The following RNF175 variants were observed in gnomAD, a reference collection of about 807,000 sequenced individuals.
RNF175 encodes the protein ring finger protein 175.
In RNF175, 38 loss-of-function variants were observed where a neutral mutation model predicts 50.0. The ratio of observed to expected loss-of-function variants is 0.76; its 90% CI spans 0.59 to 1.00. The LOEUF is 1.00. Among genes scored for constraint, RNF175 ranks in the 50% least tolerant of loss-of-function variants. The pLI is 0.00. For missense variants in RNF175, 388 were observed against 409.6 expected (o/e 0.95, Z 0.46); for synonymous variants, 155 against 146.1 (o/e 1.06, Z -0.44).
intron 1 of RNF175, among the ~76,000 whole-genome samples, chr4:153,757,794 C>T (rs556949831): frequency 2.4e-4 from 37 of 152,130 alleles, no homozygotes; most frequent in East Asian, 5.8e-4. Context: ...TCAAACATAC[C>T]TAACCAGTTG....
At chr4:153,752,111 C>A (rs1486775170) in intron 1 of RNF175, among the ~76,000 whole-genome samples, 1 of 152,328 alleles carries the variant, frequency 6.6e-6, no homozygotes, top group Non-Finnish European at 1.5e-5. Flanking sequence ...AGAGTCCACC[C>A]ATGGACTACC....
In RNF175 at chr4:153,742,495, C is replaced by T. The variant is rs369328111; in HGVS notation, c.246+6150G>A. On this transcript the variant is annotated intron_variant, in intron 3 of 8. Transcript: ENST00000347063. ...ATTACGTTTGCACAAACGTTATAAACAAACAGTATCTATTGGATGCTTTCG... is the reference window on the plus strand; with the variant it reads ...ATTACGTTTGCACAAACGTTATAAATAAACAGTATCTATTGGATGCTTTCG... 4.6e-5 allele frequency among the ~76,000 whole-genome samples: 7 copies of T among 152,166 alleles called. No homozygotes were observed. In the East Asian group the frequency reaches 9.6e-4, roughly 21 times the overall value.
intron 3 of RNF175, among the ~76,000 whole-genome samples, chr4:153,730,482 A>C (rs1014666775): frequency 1.3e-5 from 2 of 152,118 alleles, no homozygotes; most frequent in Non-Finnish European, 2.9e-5. Flanking sequence ...CATATTGGTC[A>C]TTTATTTTCT....
At chr4:153,719,862 C>T (rs575696679) in intron 6 of RNF175, among the ~76,000 whole-genome samples, 1 of 152,270 alleles carries the variant, frequency 6.6e-6, no homozygotes, top group South Asian at 2.1e-4. Context: ...TAATGTTTTA[C>T]TAATCCTTAA....
intron 1 of RNF175, among the ~76,000 whole-genome samples, chr4:153,759,349 C>T (rs1205243954): frequency 6.6e-6 from 1 of 152,128 alleles, no homozygotes; most frequent in Non-Finnish European, 1.5e-5. Flanking sequence ...AGTTTGAGAA[C>T]CAGGGCGGTC....
chr4:153,749,738 C>T (rs953283605), intron 2 of RNF175, among the ~76,000 whole-genome samples: 6 of 152,108 alleles, frequency 3.9e-5, no homozygotes, highest in Non-Finnish European at 7.3e-5. Flanking sequence ...AATCTTAACC[C>T]CCCATATCCA....
chr4:153,721,306 A>G (rs912247284), intron 5 of RNF175: 2 of 152,220 alleles, frequency 1.3e-5, no homozygotes, highest in African/African-American at 4.8e-5. Context: ...GTTCTGATTG[A>G]TTCAGGGAAG....
At chr4:153,754,873 A>C (rs182174842) in intron 1 of RNF175, among the ~76,000 whole-genome samples, 2 of 152,334 alleles carry the variant, frequency 1.3e-5, no homozygotes, top group East Asian at 3.9e-4. Flanking sequence ...GAGTCTTTGG[A>C]GGGAGCATGA....
At position 153,728,188 on chromosome 4, in the gene RNF175, G is replaced by T. The variant is rs777400756; in HGVS notation, c.401+19C>A. The T allele has an allele frequency of 1.9e-6, 3 of 1,562,634 alleles. No individual in the cohort carries two copies. Among genetic ancestry groups the T allele is most frequent in the South Asian group, 1.2e-5 (1 of 83,390 alleles). On this transcript the variant is annotated intron_variant, in intron 4 of 8. Coordinates refer to ENST00000347063, the MANE Select transcript of RNF175 (RefSeq NM_173662.4). Reference sequence around the variant, plus strand: ...TAAAATAAAGGGGCTCCTGGGGAAGGAATGTATGGAATACATACCGTGGTG... The same window carrying T: ...TAAAATAAAGGGGCTCCTGGGGAAGTAATGTATGGAATACATACCGTGGTG...
At chr4:153,758,808 G>GTTGT (rs1159953370) in intron 1 of RNF175, among the ~76,000 whole-genome samples, 1 of 151,828 alleles carries the variant, frequency 6.6e-6, no homozygotes, top group Non-Finnish European at 1.5e-5. Flanking sequence ...ATTTGGTACT[G>GTTGT]TTGTTCCCTC....
At chr4:153,757,410 T>C (rs2127172036) in intron 1 of RNF175, among the ~76,000 whole-genome samples, 1 of 152,274 alleles carries the variant, frequency 6.6e-6, no homozygotes, top group Admixed American at 6.5e-5. Context: ...AAACTGATTT[T>C]GTCACTTTCA....
intron 3 of RNF175, among the ~76,000 whole-genome samples, chr4:153,737,195 CT>C (rs940814427): frequency 3.3e-5 from 5 of 149,600 alleles, no homozygotes; most frequent in East Asian, 2.0e-4. Flanking sequence ...TGTGTTTTCT[CT>C]TTTTTTTTTC....
chr4:153,715,516 T>C lies in RNF175; in HGVS notation c.764+13A>G. 6.4e-7 allele frequency: 1 copy of C among 1,571,626 alleles called. No individual in the cohort carries two copies. Among genetic ancestry groups the C allele is most frequent in the East Asian group, 2.4e-5 (1 of 42,540 alleles). On this transcript the variant is annotated intron_variant, in intron 7 of 8. Coordinates refer to ENST00000347063, the MANE Select transcript of RNF175 (RefSeq NM_173662.4). ...CTTGATGAAGCCCAAACAATTTCCT[T>C]TGAAAAGGATACACATGATTACAGG...
Position 153,715,568 on chromosome 4 carries a change from C to T in RNF175, c.725G>A (p.Gly242Glu), listed in dbSNP as rs1438012558. ...AAGCTGGTAGGTGTTTTCAATGAGC[C>T]CTTCTTCATCAAGCTCCACAATGAT... The part of the protein sequence containing the change: ...QKIIVELDEE[G>E]LIENTYQLSC... The change falls in exon 7 of 9, where the codon GGG becomes GAG. Residue 242 changes from glycine (G) to glutamate (E), a missense_variant. Transcript: ENST00000347063. 6.2e-7 allele frequency: 1 copy of T among 1,611,936 alleles called. No individual in the cohort carries two copies. The highest frequency in any genetic ancestry group is 1.1e-5 in the South Asian group (1 of 90,624).
rs769034356 is a variant in RNF175 at position 153,748,632 on chromosome 4, G to C, written c.246+13C>G. ...GCTGGAGCAGGCTCCCAGCAGCCACGGGGATGACTCACATTGTAGGATCGG... is the reference window on the plus strand; with the variant it reads ...GCTGGAGCAGGCTCCCAGCAGCCACCGGGATGACTCACATTGTAGGATCGG... On this transcript the variant is annotated intron_variant, in intron 3 of 8. Coordinates refer to ENST00000347063, the MANE Select transcript of RNF175 (RefSeq NM_173662.4). 68 of 1,567,110 alleles carry C rather than the reference G, an allele frequency of 4.3e-5. No homozygotes were observed. Among genetic ancestry groups the C allele is most frequent in the Non-Finnish European group, 1.1e-5 (13 of 1,154,060 alleles).
intron 3 of RNF175, among the ~76,000 whole-genome samples, chr4:153,731,737 AAATT>A (rs1309298107): frequency 1.3e-5 from 2 of 152,122 alleles, no homozygotes; most frequent in Non-Finnish European, 2.9e-5. Context: ...AAAAATAAAT[AAATT>A]ATGTGTGTTC....
At chr4:153,748,432 C>T in intron 3 of RNF175, 2 of 444,840 alleles carry the variant, frequency 4.5e-6, no homozygotes, top group Non-Finnish European at 7.9e-6. Context: ...ACTCCCCTCC[C>T]CCTTTTCACC....
chr4:153,710,929 G>T (rs955001947), intron 8 of RNF175, among the ~76,000 whole-genome samples: 57 of 152,146 alleles, frequency 3.7e-4, no homozygotes, highest in Non-Finnish European at 7.4e-5. Flanking sequence ...ACCTTTTTCT[G>T]CTGTCTTTGA....
At chr4:153,737,498 A>T (rs1227852551) in intron 3 of RNF175, among the ~76,000 whole-genome samples, 2 of 152,102 alleles carry the variant, frequency 1.3e-5, no homozygotes, top group Non-Finnish European at 2.9e-5. Context: ...AGAAATTTTG[A>T]TAAGTTGCAT....
Sources: allele counts gnomAD v4.1 joint callset (sites outside exome capture counted in the v4.1 genomes callset), GRCh38; gene constraint gnomAD v4.1.1; transcripts MANE v1.5; gene names NCBI Gene and HGNC (gene_info 2026-07-23, HGNC 2026-07-21).